STX18: variants seen among roughly 807,000 people sequenced by gnomAD.
The protein encoded by STX18 is syntaxin 18.
A neutral mutation model predicts 50.1 loss-of-function variants in STX18; 40 were observed. That is an observed-to-expected ratio of 0.80 (90% CI 0.62 to 1.04). The LOEUF is 1.04. Ranked by LOEUF, STX18 falls within the 50% of genes least tolerant of loss-of-function variation. The pLI, the probability that STX18 is intolerant of heterozygous loss-of-function variation, is 0.00. For synonymous variants in STX18, 158 were observed against 151.8 expected (o/e 1.04, Z -0.30); for missense variants, 410 against 415.8 (o/e 0.99, Z 0.12).
chr4:4,461,302 T>C (rs1023269623), intron 2 of STX18, among the ~76,000 whole-genome samples: 7 of 152,324 alleles, frequency 4.6e-5, no homozygotes, highest in Non-Finnish European at 4.4e-5. Context: ...TTCTCCCAGA[T>C]TGTTTTGTTG....
At chr4:4,506,896 G>C (rs180901773) in intron 1 of STX18, among the ~76,000 whole-genome samples, 1 of 152,166 alleles carries the variant, frequency 6.6e-6, no homozygotes, top group Admixed American at 6.5e-5. Context: ...TTGACCATGA[G>C]TAACTGAAAC....
At chr4:4,518,447 A>G (rs1369939619) in intron 1 of STX18, among the ~76,000 whole-genome samples, 1 of 152,224 alleles carries the variant, frequency 6.6e-6, no homozygotes, top group Non-Finnish European at 1.5e-5. Flanking sequence ...AAGGGTGTAT[A>G]CAAACTGAGT....
intron 1 of STX18, among the ~76,000 whole-genome samples, chr4:4,539,462 G>C (rs1409896717): frequency 6.6e-6 from 1 of 152,234 alleles, no homozygotes; most frequent in African/African-American, 2.4e-5. Context: ...AAGATGGGGA[G>C]TGGGGAACGG....
At chr4:4,473,090 G>A (rs1244662175) in intron 1 of STX18, among the ~76,000 whole-genome samples, 1 of 152,132 alleles carries the variant, frequency 6.6e-6, no homozygotes, top group Non-Finnish European at 1.5e-5. Context: ...CAACCCTGCT[G>A]TGCTATGATT....
At chr4:4,460,294 T>C (rs543705642) in intron 2 of STX18, among the ~76,000 whole-genome samples, 53 of 152,318 alleles carry the variant, frequency 3.5e-4, no homozygotes, top group Non-Finnish European at 6.5e-4. Context: ...ATAAATACTT[T>C]TGAATGAACT....
chr4:4,464,117 G>T (rs1213341653), intron 2 of STX18, among the ~76,000 whole-genome samples: 5 of 152,154 alleles, frequency 3.3e-5, no homozygotes, highest in African/African-American at 1.2e-4. Flanking sequence ...TTATAAAGAT[G>T]AAATCCTAAA....
At chr4:4,533,965 T>G (rs1296064217) in intron 1 of STX18, among the ~76,000 whole-genome samples, 1 of 152,206 alleles carries the variant, frequency 6.6e-6, no homozygotes, top group African/African-American at 2.4e-5. Context: ...AAAGCAGAAC[T>G]GAGAATAACA....
chr4:4,517,680 A>C (rs1372642310), intron 1 of STX18, among the ~76,000 whole-genome samples: 2 of 152,242 alleles, frequency 1.3e-5, no homozygotes, highest in African/African-American at 4.8e-5. Flanking sequence ...AAAAACCACT[A>C]ATTTCAAAAG....
intron 2 of STX18, among the ~76,000 whole-genome samples, chr4:4,460,255 T>A (rs1184117909): frequency 6.6e-6 from 1 of 152,226 alleles, no homozygotes; most frequent in Non-Finnish European, 1.5e-5. Flanking sequence ...CTAGCATTTT[T>A]AATAGGCTGA....
chr4:4,526,785 A>G (rs965072547), intron 1 of STX18, among the ~76,000 whole-genome samples: 6 of 152,134 alleles, frequency 3.9e-5, no homozygotes, highest in African/African-American at 1.4e-4. Flanking sequence ...CCTGGGCAAC[A>G]TAGTGAGACT....
intron 5 of STX18, among the ~76,000 whole-genome samples, chr4:4,454,311 C>T (rs1726949897): frequency 6.6e-6 from 1 of 152,196 alleles, no homozygotes; most frequent in Non-Finnish European, 1.5e-5. Context: ...AACTATGTGG[C>T]AGGAGACAAG....
intron 5 of STX18, among the ~76,000 whole-genome samples, chr4:4,455,223 A>T (rs1577337861): frequency 6.6e-6 from 1 of 152,198 alleles, no homozygotes; most frequent in African/African-American, 2.4e-5. Context: ...TATCCTGATT[A>T]AGCTGACTAA....
In STX18 at chr4:4,470,836, G is replaced by C. The variant is rs974751469; in HGVS notation, c.236+803C>G. On this transcript the variant is annotated intron_variant, in intron 2 of 10. Transcript: ENST00000306200. ...GAAGGCGGTGTTTGAAATAAGGCCA[G>C]GGGCTAGATCAGGAGTGGGGAGACC... Among the ~76,000 whole-genome samples the C allele has an allele frequency of 6.6e-5, 10 of 152,196 alleles. 1 individual carries two copies. The highest frequency in any genetic ancestry group is 2.4e-4 in the African/African-American group (10 of 41,448).
intron 7 of STX18, among the ~76,000 whole-genome samples, chr4:4,433,189 A>G (rs1725602643): frequency 6.6e-6 from 1 of 152,260 alleles, no homozygotes; most frequent in Non-Finnish European, 1.5e-5. Flanking sequence ...ATTGTCATGA[A>G]GATTCAACAG....
chr4:4,468,801 A>G (rs1465375531), intron 2 of STX18, among the ~76,000 whole-genome samples: 2 of 152,180 alleles, frequency 1.3e-5, no homozygotes, highest in African/African-American at 4.8e-5. Context: ...ATAAATCAGT[A>G]TGTCCACAAA....
intron 1 of STX18, among the ~76,000 whole-genome samples, chr4:4,502,769 T>C (rs946053176): frequency 4.6e-5 from 7 of 152,182 alleles, no homozygotes; most frequent in African/African-American, 1.7e-4. Flanking sequence ...GGAACTGATG[T>C]CTAGGTCCCT....
chr4:4,493,286 C>A (rs1020120243), intron 1 of STX18, among the ~76,000 whole-genome samples: 1 of 151,670 alleles, frequency 6.6e-6, no homozygotes, highest in Non-Finnish European at 1.5e-5. Context: ...TTCCCAACCC[C>A]CCCGCCCCCT....
At chr4:4,504,870 C>T (rs1021587050) in intron 1 of STX18, among the ~76,000 whole-genome samples, 1 of 151,682 alleles carries the variant, frequency 6.6e-6, no homozygotes, top group Non-Finnish European at 1.5e-5. Context: ...CAAAATTGTA[C>T]AGCCACTTTA....
intron 4 of STX18, 44 bp downstream of exon 4, chr4:4,457,379 T>C (rs748392035): frequency 6.3e-7 from 1 of 1,575,508 alleles, no homozygotes; most frequent in South Asian, 1.1e-5. Context: ...GCATCACATC[T>C]ATTGTGAAAT....
Sources: gnomAD v4.1 joint callset for allele counts (sites outside exome capture counted in the v4.1 genomes callset) on GRCh38, gnomAD v4.1.1 for gene constraint, MANE v1.5 for transcripts, NCBI Gene and HGNC (gene_info 2026-07-23, HGNC 2026-07-21) for gene names.